HS3ST5: variants seen among roughly 807,000 people sequenced by gnomAD.
HS3ST5 encodes the protein heparan sulfate-glucosamine 3-sulfotransferase 5.
A neutral mutation model predicts 25.4 loss-of-function variants in HS3ST5; 10 were observed. The observed-to-expected ratio is 0.39, with a 90% CI of 0.24 to 0.67. The LOEUF (loss-of-function observed/expected upper bound fraction) is 0.67. Ranked by LOEUF, HS3ST5 falls within the 30% of genes least tolerant of loss-of-function variation. HS3ST5 has a pLI of 0.44. For missense variants in HS3ST5, 324 were observed against 420.7 expected, an observed-to-expected ratio of 0.77 and a Z score of 2.01; for synonymous variants, 170 against 162.4, an observed-to-expected ratio of 1.05 and a Z score of -0.36.
At chr6:114,088,521 G>T (rs1328497178) in intron 3 of HS3ST5, among the ~76,000 whole-genome samples, 3 of 151,848 alleles carry the variant, frequency 2.0e-5, no homozygotes, top group East Asian at 1.9e-4. Flanking sequence ...CTAAAGGAAG[G>T]ATTCTGATGT....
chr6:114,109,509 G>A (rs992188798), intron 3 of HS3ST5, among the ~76,000 whole-genome samples: 13 of 152,108 alleles, frequency 8.5e-5, no homozygotes, highest in East Asian at 1.9e-4. Flanking sequence ...GGACTTCCCC[G>A]GGGCCAGTCT....
intron 3 of HS3ST5, among the ~76,000 whole-genome samples, chr6:114,116,913 G>A (rs1349715101): frequency 6.6e-6 from 1 of 151,878 alleles, no homozygotes; most frequent in Non-Finnish European, 1.5e-5. Flanking sequence ...TCATCCATTA[G>A]ACTAACGCTT....
intron 1 of HS3ST5, among the ~76,000 whole-genome samples, chr6:114,338,909 A>C (rs921218831): frequency 5.9e-5 from 9 of 152,108 alleles, no homozygotes; most frequent in Non-Finnish European, 8.8e-5. Context: ...TGAAAAGTTT[A>C]ACTAGGTATT....
chr6:114,135,877 T>G (rs1777573613), intron 3 of HS3ST5, among the ~76,000 whole-genome samples: 1 of 152,186 alleles, frequency 6.6e-6, no homozygotes, highest in Non-Finnish European at 1.5e-5. Flanking sequence ...CCCTGGGCTT[T>G]ATCACTGGAG....
intron 2 of HS3ST5, 123 bp downstream of exon 2, chr6:114,228,462 G>A (rs892817318): frequency 1.3e-5 from 2 of 151,892 alleles, no homozygotes; most frequent in African/African-American, 4.8e-5. Flanking sequence ...CACATACATG[G>A]ATAGTTTTCT....
chr6:114,193,534 T>C (rs1780601513), intron 2 of HS3ST5, among the ~76,000 whole-genome samples: 1 of 152,198 alleles, frequency 6.6e-6, no homozygotes, highest in African/African-American at 2.4e-5. Context: ...TCATTCTCCC[T>C]GGTATGAACC....
rs1051144793 is a variant in HS3ST5, at chr6:114,241,136, T to G, written c.-338-12358A>C. Among the ~76,000 whole-genome samples the G allele has an allele frequency of 2.1e-5, 3 of 145,848 alleles. No homozygotes were observed. The South Asian group carries it at 6.3e-4, about 31-fold the overall frequency. On this transcript the variant is annotated intron_variant, in intron 1 of 4. Coordinates refer to ENST00000312719, the MANE Select transcript of HS3ST5 (RefSeq NM_153612.4). ...TATATATTTAAAGAAAAATCAGTTT[T>G]TTTTTTTTTTTTTTTTTTACTATAA...
chr6:114,198,269 C>A (rs1055885021), intron 2 of HS3ST5, among the ~76,000 whole-genome samples: 2 of 152,074 alleles, frequency 1.3e-5, no homozygotes, highest in Admixed American at 6.6e-5. Context: ...ATGAACGAAG[C>A]CTTTGAGATA....
chr6:114,155,736 C>T (rs1307891546), intron 3 of HS3ST5, among the ~76,000 whole-genome samples: 1 of 152,194 alleles, frequency 6.6e-6, no homozygotes, highest in Non-Finnish European at 1.5e-5. Context: ...ACTATCCCTT[C>T]GAATCTCTTC....
chr6:114,208,424 T>A (rs556601256), intron 2 of HS3ST5, among the ~76,000 whole-genome samples: 9 of 152,314 alleles, frequency 5.9e-5, no homozygotes, highest in East Asian at 1.9e-4. Flanking sequence ...CCCAGACAAT[T>A]ATTGTCCCTT....
At chr6:114,110,084 T>A (rs1376432517) in intron 3 of HS3ST5, among the ~76,000 whole-genome samples, 1 of 152,186 alleles carries the variant, frequency 6.6e-6, no homozygotes, top group Non-Finnish European at 1.5e-5. Context: ...AGTGATGCCA[T>A]TTACATATAC....
intron 1 of HS3ST5, among the ~76,000 whole-genome samples, chr6:114,241,319 A>C (rs906016813): frequency 6.6e-6 from 1 of 152,186 alleles, no homozygotes; most frequent in Non-Finnish European, 1.5e-5. Context: ...AAGTTTAATC[A>C]GGTTAAGAAC....
intron 1 of HS3ST5, among the ~76,000 whole-genome samples, chr6:114,256,933 A>G (rs969635482): frequency 6.6e-6 from 1 of 152,256 alleles, no homozygotes; most frequent in East Asian, 1.9e-4. Context: ...ATAGTTTCAC[A>G]TGGCTGGGGA....
At chr6:114,248,805 T>C (rs1772507522) in intron 1 of HS3ST5, among the ~76,000 whole-genome samples, 1 of 152,216 alleles carries the variant, frequency 6.6e-6, no homozygotes, top group African/African-American at 2.4e-5. Context: ...AAATAAAAGT[T>C]AACAAGATGG....
At chr6:114,146,169 C>G (rs1324108911) in intron 3 of HS3ST5, among the ~76,000 whole-genome samples, 1 of 152,164 alleles carries the variant, frequency 6.6e-6, no homozygotes, top group African/African-American at 2.4e-5. Context: ...CTACAAGAAG[C>G]AATCTTTGAG....
chr6:114,258,093 T>G (rs371943107), intron 1 of HS3ST5, among the ~76,000 whole-genome samples: 1 of 152,114 alleles, frequency 6.6e-6, no homozygotes, highest in Non-Finnish European at 1.5e-5. Context: ...GAACCTGAAA[T>G]CCAAATATAA....
At chr6:114,295,716 C>T (rs957035095) in intron 1 of HS3ST5, among the ~76,000 whole-genome samples, 4 of 152,168 alleles carry the variant, frequency 2.6e-5, no homozygotes, top group Non-Finnish European at 4.4e-5. Context: ...CAAGCAATTA[C>T]TTCCTTAGTA....
chr6:114,265,334 C>T (rs1773358294), intron 1 of HS3ST5, among the ~76,000 whole-genome samples: 2 of 152,156 alleles, frequency 1.3e-5, no homozygotes, highest in Non-Finnish European at 1.5e-5. Context: ...TTGAAGGCTA[C>T]TGGCAGAAAG....
At chr6:114,109,864 G>C (rs1776182733) in intron 3 of HS3ST5, among the ~76,000 whole-genome samples, 1 of 152,186 alleles carries the variant, frequency 6.6e-6, no homozygotes, top group Non-Finnish European at 1.5e-5. Context: ...GCTACAACAA[G>C]GGACAGTGCA....
Sources: allele counts gnomAD v4.1 joint callset (sites outside exome capture counted in the v4.1 genomes callset), GRCh38; gene constraint gnomAD v4.1.1; transcripts MANE v1.5; gene names NCBI Gene and HGNC (gene_info 2026-07-23, HGNC 2026-07-21).